AKR1E2: variants seen among roughly 807,000 people sequenced by gnomAD.
AKR1E2 encodes the protein aldo-keto reductase family 1 member E2.
A neutral mutation model predicts 41.9 loss-of-function variants in AKR1E2; 43 were observed. The ratio of observed to expected loss-of-function variants is 1.03; its 90% confidence interval spans 0.80 to 1.32. The LOEUF is 1.32. Ranked by LOEUF, AKR1E2 falls within the 40% of genes most tolerant of loss-of-function variation. The pLI, the probability that AKR1E2 is intolerant of heterozygous loss-of-function variation, is 0.00. For synonymous variants in AKR1E2, 121 were observed against 138.9 expected (o/e 0.87, Z 0.91); for missense variants, 423 against 396.5 (o/e 1.07, Z -0.57).
chr10:4,859,161 T>C, the AKR1E2 span, among the ~76,000 whole-genome samples: 28 of 152,178 alleles, frequency 1.8e-4, no homozygotes, highest in Non-Finnish European at 3.5e-4. Context: ...GTATGGTCTT[T>C]GAAGTTTTGT....
upstream of AKR1E2, among the ~76,000 whole-genome samples, chr10:4,825,766 C>T (rs1382951303): frequency 6.6e-6 from 1 of 152,218 alleles, no homozygotes; most frequent in African/African-American, 2.4e-5. Context: ...GGACGCAGGA[C>T]TCTGCACCCT....
At chr10:4,860,214 T>C in the AKR1E2 span, among the ~76,000 whole-genome samples, 2 of 152,162 alleles carry the variant, frequency 1.3e-5, no homozygotes, top group African/African-American at 4.8e-5. Context: ...AGATAAGTCA[T>C]GATATTGGAT....
chr10:4,830,873 C>G (rs745685845), intron 2 of AKR1E2, 31 bp downstream of exon 2: 1 of 1,612,974 alleles, frequency 6.2e-7, no homozygotes, highest in Non-Finnish European at 8.5e-7. Context: ...GCTGGCAGAG[C>G]TTGGGTAATG....
chr10:4,841,795 G>A lies in AKR1E2; in HGVS notation c.691G>A (p.Asp231Asn). 6.2e-7 allele frequency: 1 copy of A among 1,612,650 alleles called. No homozygotes were observed. Among genetic ancestry groups the A allele is most frequent in the Non-Finnish European group, 8.5e-7 (1 of 1,179,254 alleles). The change falls in exon 7 of 10, where the codon GAC becomes AAC. Residue 231 changes from aspartate to asparagine, a missense_variant. Transcript: ENST00000298375. ...RPLGGSCEGVDLIDNPVIKRI... is the reference protein window; with the variant it reads ...RPLGGSCEGVNLIDNPVIKRI... ...ACTGTGTCTCTCTAGTGAGGGGGTT[G>A]ACCTGATAGACAACCCTGTGATCAA...
chr10:4,866,289 A>G, the AKR1E2 span, among the ~76,000 whole-genome samples: 764 of 152,354 alleles, frequency 5.0e-3, 9 homozygotes, highest in African/African-American at 0.018. Flanking sequence ...AAAAGAATCC[A>G]AAGAGAGGAC....
the AKR1E2 span, among the ~76,000 whole-genome samples, chr10:4,869,997 A>C: frequency 6.6e-6 from 1 of 151,938 alleles, no homozygotes. Context: ...ATTTGAAAAG[A>C]ATCTGTTTTG....
Position 4,847,932 on chromosome 10 carries a change from T to C in AKR1E2, c.*402T>C. The C allele has an allele frequency of 5.6e-6, 1 of 177,122 alleles. No homozygotes were observed. The highest frequency in any genetic ancestry group is 1.6e-4 in the East Asian group (1 of 6,366). The allele number at this position is 177,122 out of a possible 1,614,324, so 11.0% of individuals were successfully genotyped here. ...GCCAGCCCGCGTCACCTACACTTCC[T>C]TCTGTGCCCTGCCAGTGACCCCCAG... On this transcript the variant is annotated 3_prime_UTR_variant, in exon 10 of 10. Coordinates refer to ENST00000298375, the MANE Select transcript of AKR1E2 (RefSeq NM_001040177.3).
At chr10:4,837,201 C>G (rs982213479) in intron 4 of AKR1E2, among the ~76,000 whole-genome samples, 5 of 152,204 alleles carry the variant, frequency 3.3e-5, no homozygotes, top group African/African-American at 1.2e-4. Flanking sequence ...CCCCGTGGCA[C>G]AGGCCATGTA....
chr10:4,864,133 C>T, the AKR1E2 span, among the ~76,000 whole-genome samples: 3 of 152,108 alleles, frequency 2.0e-5, no homozygotes, highest in Non-Finnish European at 2.9e-5. Flanking sequence ...CATCCTGATA[C>T]CAAAGCCTGG....
At chr10:4,833,294 G>A in intron 2 of AKR1E2, 56 bp from the exon 3 acceptor site, 1 of 1,370,870 alleles carries the variant, frequency 7.3e-7, no homozygotes, top group Non-Finnish European at 1.0e-6. Flanking sequence ...CTACAGAATG[G>A]GTGCCATGCT....
At chr10:4,845,949 G>A in intron 8 of AKR1E2, 1 of 445,356 alleles carries the variant, frequency 2.2e-6, no homozygotes, top group Non-Finnish European at 4.5e-6. Context: ...GTGGGAGCCA[G>A]GTCCACAAGA....
At chr10:4,839,292 C>A (rs1437557559) in intron 5 of AKR1E2, among the ~76,000 whole-genome samples, 2 of 152,114 alleles carry the variant, frequency 1.3e-5, no homozygotes, top group Non-Finnish European at 2.9e-5. Flanking sequence ...ATGAACAAAA[C>A]AAATTCAAAC....
downstream of AKR1E2, among the ~76,000 whole-genome samples, chr10:4,851,520 A>G (rs1187985519): frequency 6.6e-6 from 1 of 152,184 alleles, no homozygotes; most frequent in Admixed American, 6.5e-5. Flanking sequence ...TTTAATGTGC[A>G]CTTCTGTCAC....
At position 4,847,514 on chromosome 10, in the gene AKR1E2, T is replaced by C. The variant is rs766543219; in HGVS notation, c.947T>C (p.Phe316Ser). The change falls in exon 10 of 10, where the codon TTC becomes TCC. Residue 316 changes from phenylalanine to serine, a missense_variant. Physicochemically the swap from Phe to Ser is radical, Grantham distance 155 (BLOSUM62 -2). Transcript: ENST00000298375. ...PITKNHKDYP[F>S]HIEY is the part of the protein sequence containing the mutation. ...ACTAAAAATCACAAAGACTATCCTTTCCACATAGAATACTGAGGACGCTTC... is the reference window on the plus strand; with the variant it reads ...ACTAAAAATCACAAAGACTATCCTTCCCACATAGAATACTGAGGACGCTTC... 1 of 1,613,822 alleles carries C rather than the reference T, an allele frequency of 6.2e-7. No individual in the cohort carries two copies. The highest frequency in any genetic ancestry group is 1.1e-5 in the South Asian group (1 of 90,976).
rs778350165 is a variant in AKR1E2, at chr10:4,833,373, G to A, written c.231G>A (p.Lys77=). Residue 77 remains lysine, a synonymous_variant, in exon 3 of 10, where the codon AAG becomes AAA. Transcript: ENST00000298375. ...AGCTGTGGTGCACCTGCCATAAGAAGTCCTTGGTGGAAACAGCATGCAGAA... is the reference window on the plus strand; with the variant it reads ...AGCTGTGGTGCACCTGCCATAAGAAATCCTTGGTGGAAACAGCATGCAGAA... ...ATKLWCTCHK[K]SLVETACRKS... is the part of the protein sequence containing the mutation. 5 of 1,614,068 alleles carry A rather than the reference G, an allele frequency of 3.1e-6. No homozygotes were observed. In the African/African-American group the frequency reaches 6.7e-5, roughly 22 times the overall value.
chr10:4,839,675 C>T lies in AKR1E2; in HGVS notation c.583-54C>T, dbSNP rs141011187. Reference sequence around the variant, plus strand: ...TTGACGCAGGTCTTCTCTTGTAGAGCTTTTCTTGAACACTAGTGGTCTGAA... The same window carrying T: ...TTGACGCAGGTCTTCTCTTGTAGAGTTTTTCTTGAACACTAGTGGTCTGAA... On this transcript the variant is annotated intron_variant, in intron 5 of 9. Coordinates refer to ENST00000298375, the MANE Select transcript of AKR1E2 (RefSeq NM_001040177.3). 48,981 of 1,530,076 alleles carry T rather than the reference C, an allele frequency of 0.032. 927 individuals are homozygous for T. Among genetic ancestry groups the T allele is most frequent in the Non-Finnish European group, 0.037 (40,782 of 1,104,608 alleles). 94.8% of individuals were successfully genotyped at this position (1,530,076 alleles called of 1,614,324 possible).
chr10:4,837,567 C>A lies in AKR1E2; in HGVS notation c.568C>A (p.Pro190Thr). 6.2e-7 allele frequency: 1 copy of A among 1,613,470 alleles called. No individual in the cohort carries two copies. ...GAATAAGCCTGGGTTGAGGTTCAAG[C>A]CACTAACCAACCAGGTAAGCCGATG... is the stretch of plus-strand genomic sequence containing the variant. Reference protein sequence around the residue: ...LLNKPGLRFKPLTNQIECHPY... With the variant: ...LLNKPGLRFKTLTNQIECHPY... The change falls in exon 5 of 10, where the codon CCA becomes ACA. Residue 190 changes from proline to threonine, a missense_variant. Transcript: ENST00000298375.
chr10:4,858,637 G>A, the AKR1E2 span, among the ~76,000 whole-genome samples: 1 of 152,014 alleles, frequency 6.6e-6, no homozygotes, highest in South Asian at 2.1e-4. Context: ...AAGACGAGAG[G>A]AATATTTCAG....
the AKR1E2 span, among the ~76,000 whole-genome samples, chr10:4,859,530 T>C: frequency 3.5e-4 from 53 of 152,296 alleles, no homozygotes; most frequent in African/African-American, 1.3e-3. Context: ...CAACAGTTTT[T>C]CCCCTCTGGC....
Sources: allele counts gnomAD v4.1 joint callset (sites outside exome capture counted in the v4.1 genomes callset), GRCh38; gene constraint gnomAD v4.1.1; transcripts MANE v1.5; gene names NCBI Gene and HGNC (gene_info 2026-07-23, HGNC 2026-07-21).